The following CELF2 variants were observed in gnomAD, a reference collection of about 807,000 sequenced individuals.
CELF2 encodes the protein CUGBP Elav-like family member 2, also known as CUG triplet repeat RNA-binding protein 2.
In CELF2, 8 loss-of-function variants were observed where a neutral mutation model predicts 62.6. The observed-to-expected ratio is 0.13, with a 90% CI of 0.07 to 0.23. CELF2 has a LOEUF of 0.23. CELF2 is among the 10% of genes least tolerant of loss of function. CELF2 has a pLI of 1.00. For synonymous variants in CELF2, 258 were observed against 250.0 expected, an observed-to-expected ratio of 1.03 and a Z score of -0.30; for missense variants, 333 against 671.0, an observed-to-expected ratio of 0.50 and a Z score of 5.56.
At chr10:10,956,185 G>C (rs1206218753) in intron 2 of CELF2, among the ~76,000 whole-genome samples, 1 of 152,106 alleles carries the variant, frequency 6.6e-6, no homozygotes, top group African/African-American at 2.4e-5. Context: ...ACTGAATGTC[G>C]ATACTGAGTT....
the CELF2 span, among the ~76,000 whole-genome samples, chr10:10,610,974 T>C: frequency 3.3e-5 from 5 of 152,208 alleles, no homozygotes; most frequent in African/African-American, 4.8e-5. Flanking sequence ...ATTACACTAC[T>C]TTCTGTCTTT....
At chr10:10,751,610 T>G in the CELF2 span, among the ~76,000 whole-genome samples, 1 of 152,204 alleles carries the variant, frequency 6.6e-6, no homozygotes, top group Admixed American at 6.5e-5. Flanking sequence ...GTCTCAATAT[T>G]GACCAGTGAT....
At chr10:11,169,346 C>T (rs893003638) in intron 2 of CELF2, 4 of 152,096 alleles carry the variant, frequency 2.6e-5, no homozygotes, top group Non-Finnish European at 5.9e-5. Flanking sequence ...GGAAGTTGAG[C>T]GAGGAAATGA....
At chr10:11,092,058 T>A (rs949904599) in intron 1 of CELF2, among the ~76,000 whole-genome samples, 2 of 145,458 alleles carry the variant, frequency 1.4e-5, no homozygotes, top group Non-Finnish European at 3.1e-5. Context: ...GAATTTAATC[T>A]GTAACTTCTA....
At chr10:10,638,061 T>A in the CELF2 span, among the ~76,000 whole-genome samples, 3 of 152,316 alleles carry the variant, frequency 2.0e-5, 1 homozygote, top group East Asian at 5.8e-4. Context: ...GGGATACTGA[T>A]GTGGACAGAG....
At chr10:10,844,242 G>A (rs958689900) in intron 1 of CELF2, among the ~76,000 whole-genome samples, 2 of 151,818 alleles carry the variant, frequency 1.3e-5, no homozygotes, top group Non-Finnish European at 2.9e-5. Context: ...ATTTCTTTCT[G>A]GTTTTTCCTG....
intron 7 of CELF2, among the ~76,000 whole-genome samples, chr10:11,274,737 G>C (rs530993163): frequency 1.3e-5 from 2 of 152,322 alleles, no homozygotes; most frequent in Admixed American, 1.3e-4. Flanking sequence ...ATGAGTTACG[G>C]TAACTGCTAG....
intron 1 of CELF2, among the ~76,000 whole-genome samples, chr10:11,078,855 C>G (rs2072995992): frequency 6.6e-6 from 1 of 152,156 alleles, no homozygotes. Flanking sequence ...TGGGCACATC[C>G]ATTGCTTTGC....
intron 8 of CELF2, among the ~76,000 whole-genome samples, chr10:11,287,759 T>A (rs1434260438): frequency 6.6e-6 from 1 of 152,336 alleles, no homozygotes; most frequent in East Asian, 1.9e-4. Flanking sequence ...AAAGGTGACA[T>A]TCATTGAGCT....
rs1198472365 is a variant in CELF2, at chr10:11,296,722, A to G, written c.976+8170A>G. Among the ~76,000 whole-genome samples, 1 of 152,188 alleles carries G rather than the reference A, an allele frequency of 6.6e-6. No individual in the cohort carries two copies. The highest frequency in any genetic ancestry group is 1.5e-5 in the Non-Finnish European group (1 of 68,032). ...GACCTGTACAGCACAGACAGCAGGA[A>G]GGCAGGTAAGGTACAGGGGTCAGTG... On this transcript the variant is annotated intron_variant, in intron 9 of 12. Coordinates refer to ENST00000633077, the MANE Select transcript of CELF2 (RefSeq NM_001326342.2). The surrounding 1 kb of genome is among the most constrained non-coding windows in gnomAD (Gnocchi z 5.0).
chr10:10,785,250 A>C, the CELF2 span, among the ~76,000 whole-genome samples: 1 of 152,152 alleles, frequency 6.6e-6, no homozygotes, highest in Non-Finnish European at 1.5e-5. Context: ...TAATACTGAC[A>C]CCTGGGTGCC....
the CELF2 span, among the ~76,000 whole-genome samples, chr10:10,568,107 G>A: frequency 6.6e-6 from 1 of 152,088 alleles, no homozygotes; most frequent in African/African-American, 2.4e-5. Flanking sequence ...AGTAAAAGGA[G>A]GCAAGGCTGC....
Position 10,811,119 on chromosome 10 carries a change from C to G in CELF2, c.53+12302C>G, listed in dbSNP as rs117379568. Among the ~76,000 whole-genome samples, 723 of 152,334 alleles carry G rather than the reference C, an allele frequency of 4.7e-3. 4 individuals carry two copies. Among genetic ancestry groups the G allele is most frequent in the Middle Eastern group, 0.024 (7 of 294 alleles). On this transcript the variant is annotated intron_variant, in intron 1 of 13. Transcript: ENST00000636488. ...CTCACGACCAAAGACCCAGAGGACA[C>G]AAAAGTCTCTGTGCAGGCAGAGTTG...
At chr10:10,825,852 T>C (rs889747590) in intron 1 of CELF2, among the ~76,000 whole-genome samples, 3 of 152,210 alleles carry the variant, frequency 2.0e-5, no homozygotes, top group African/African-American at 7.2e-5. Context: ...GGTCTGAAGC[T>C]GTGATTAAAA....
At chr10:10,497,010 C>A in the CELF2 span, among the ~76,000 whole-genome samples, 3 of 152,012 alleles carry the variant, frequency 2.0e-5, no homozygotes, top group South Asian at 2.1e-4. Flanking sequence ...GATAACATGA[C>A]AAAACTCTGT....
chr10:11,067,738 T>C (rs1456581130), intron 1 of CELF2, among the ~76,000 whole-genome samples: 1 of 152,206 alleles, frequency 6.6e-6, no homozygotes, highest in Non-Finnish European at 1.5e-5. Context: ...GTGGTTGAAG[T>C]TGAAAGAACA....
rs960843581 is a variant in CELF2, at chr10:11,243,477, G to A, written c.355-5676G>A. Among the ~76,000 whole-genome samples, 7 of 151,828 alleles carry A rather than the reference G, an allele frequency of 4.6e-5. No homozygotes were observed. The highest frequency in any genetic ancestry group is 8.8e-5 in the Non-Finnish European group (6 of 68,008). On this transcript the variant is annotated intron_variant, in intron 3 of 12. Transcript: ENST00000633077. This position sits in a 1 kb window ranked among gnomAD's most constrained non-coding sequence, Gnocchi z 4.1. ...AACTTGAAGAAATGTGTGACATCCC[G>A]TTTACTCCCATCAACAGGATCTATT...
chr10:11,037,308 T>C (rs1035965808), intron 1 of CELF2, among the ~76,000 whole-genome samples: 2 of 152,188 alleles, frequency 1.3e-5, no homozygotes, highest in Non-Finnish European at 2.9e-5. Flanking sequence ...ACCCACCCCC[T>C]TGATTCAGTT....
chr10:10,857,649 G>GTATATATATATATATA lies in CELF2; in HGVS notation c.53+58850_53+58865dup, dbSNP rs779543257. 7.2e-3 allele frequency among the ~76,000 whole-genome samples: 677 copies of GTATATATATATATATA among 93,960 alleles called. 4 individuals carry two copies. The highest frequency in any genetic ancestry group is 0.014 in the Middle Eastern group (2 of 142). The allele number at this position is 93,960 out of a possible 152,430, so 61.6% of individuals were successfully genotyped here. ...ATATGTGGTAAACTACATATATATA[G>GTATATATATATATATA]TATATATATATATATATATATATAT... On this transcript the variant is annotated intron_variant, in intron 1 of 13. Coordinates refer to the CELF2 transcript ENST00000636488.
Sources: gnomAD v4.1 joint callset for allele counts (sites outside exome capture counted in the v4.1 genomes callset) on GRCh38, gnomAD v4.1.1 for gene constraint, Gnocchi (gnomAD v3.1) non-coding constraint, MANE v1.5 for transcripts, NCBI Gene and HGNC (gene_info 2026-07-23, HGNC 2026-07-21) for gene names.